Variants in ARHGEF18 observed in about 807,000 individuals in gnomAD.
ARHGEF18 encodes rho guanine nucleotide exchange factor 18.
In ARHGEF18, 93 loss-of-function variants were observed where a neutral mutation model predicts 155.7. The ratio of observed to expected loss-of-function variants is 0.60; its 90% CI spans 0.50 to 0.71. The LOEUF (loss-of-function observed/expected upper bound fraction) is 0.71. ARHGEF18 is among the 30% of genes least tolerant of loss of function. The pLI, the probability that ARHGEF18 is intolerant of heterozygous loss-of-function variation, is 0.00. For synonymous variants in ARHGEF18, 742 were observed against 753.1 expected (o/e 0.99, Z 0.24); for missense variants, 1,593 against 1,816.1 (o/e 0.88, Z 2.23).
intron 10 of ARHGEF18, among the ~76,000 whole-genome samples, chr19:7,438,408 CTT>C (rs10546789): frequency 0.4 from 57,215 of 142,342 alleles, 11,701 homozygotes; most frequent in East Asian, 0.59. Context: ...GCCCAGATTT[CTT>C]TTTTTTTTTT....
chr19:7,451,183 G>T lies in ARHGEF18; in HGVS notation c.1772G>T (p.Gly591Val). 1 of 1,562,128 alleles carries T rather than the reference G, an allele frequency of 6.4e-7. No individual in the cohort carries two copies. Among genetic ancestry groups the T allele is most frequent in the Non-Finnish European group, 8.6e-7 (1 of 1,158,248 alleles). ...IGNFSIVRRL[G>V]VQECILLVTQ... Reference sequence around the variant, plus strand: ...AACTTCTCCATCGTGCGGCGGCTTGGCGTGCAGGAGTGCATTCTCCTGGTT... The same window carrying T: ...AACTTCTCCATCGTGCGGCGGCTTGTCGTGCAGGAGTGCATTCTCCTGGTT... The change falls in exon 16 of 29, where the codon GGC becomes GTC. Residue 591 changes from glycine (G) to valine (V), a missense_variant. Coordinates refer to ENST00000668164, the MANE Select transcript of ARHGEF18 (RefSeq NM_001367823.1).
chr19:7,477,334 C>T (rs866730802), downstream of ARHGEF18: 3 of 1,559,976 alleles, frequency 1.9e-6, no homozygotes, highest in African/African-American at 4.1e-5. Context: ...CCCGGGGCAG[C>T]CAGTGCACGG....
chr19:7,439,060 A>T lies in ARHGEF18; in HGVS notation c.968-1284A>T, dbSNP rs565024106. Among the ~76,000 whole-genome samples the T allele has an allele frequency of 1.9e-4, 29 of 151,092 alleles. No homozygotes were observed. The East Asian group carries it at 5.1e-3, about 27-fold the overall frequency. Reference sequence around the variant, plus strand: ...CTAATTTTTGTATTTTGTATTTTTTATTTTTTTTAAGTAGAGACGGGGGTT... The same window carrying T: ...CTAATTTTTGTATTTTGTATTTTTTTTTTTTTTTAAGTAGAGACGGGGGTT... On this transcript the variant is annotated intron_variant, in intron 10 of 28. Coordinates refer to ENST00000668164, the MANE Select transcript of ARHGEF18 (RefSeq NM_001367823.1).
At chr19:7,433,681 A>G (rs765495903) in intron 10 of ARHGEF18, among the ~76,000 whole-genome samples, 12 of 151,968 alleles carry the variant, frequency 7.9e-5, no homozygotes, top group Non-Finnish European at 8.8e-5. Context: ...TACAGGATTT[A>G]TGAGAGACTG....
At chr19:7,367,606 T>C (rs112324379) in intron 2 of ARHGEF18, among the ~76,000 whole-genome samples, 15,079 of 147,888 alleles carry the variant, frequency 0.1, 2,039 homozygotes, top group African/African-American at 0.33. Flanking sequence ...ATTAGCCAGG[T>C]GTGGTGGTGG....
chr19:7,413,105 T>C (rs1276118749), intron 10 of ARHGEF18, among the ~76,000 whole-genome samples: 1 of 151,878 alleles, frequency 6.6e-6, no homozygotes, highest in African/African-American at 2.4e-5. Context: ...CACCATATTT[T>C]TGGGGGCAGG....
intron 10 of ARHGEF18, among the ~76,000 whole-genome samples, chr19:7,439,279 G>GGC (rs1453753343): frequency 2.3e-5 from 2 of 86,354 alleles, no homozygotes; most frequent in South Asian, 4.0e-4. Flanking sequence ...AACATAGTGA[G>GGC]ACCCCCCCCC....
chr19:7,442,777 ACGTCTAAGACCAAGG>A (rs1184877309), intron 13 of ARHGEF18, among the ~76,000 whole-genome samples: 1 of 152,182 alleles, frequency 6.6e-6, no homozygotes, highest in Non-Finnish European at 1.5e-5. Context: ...AGAGGCTGGG[ACGTCTAAGACCAAGG>A]CGGCGGCAGA....
intron 2 of ARHGEF18, among the ~76,000 whole-genome samples, chr19:7,369,658 A>T (rs112391010): frequency 6.7e-6 from 1 of 148,732 alleles, no homozygotes; most frequent in Admixed American, 6.7e-5. Context: ...TTAGCCGGGC[A>T]TTGTGGCAGG....
intron 22 of ARHGEF18, among the ~76,000 whole-genome samples, chr19:7,464,284 C>T (rs1568363916): frequency 1.3e-5 from 2 of 152,182 alleles, no homozygotes; most frequent in African/African-American, 2.4e-5. Flanking sequence ...GTGATCCGCC[C>T]GCCTCAGCCT....
chr19:7,384,913 T>C (rs1009766021), intron 10 of ARHGEF18, among the ~76,000 whole-genome samples: 1 of 152,144 alleles, frequency 6.6e-6, no homozygotes, highest in Non-Finnish European at 1.5e-5. Flanking sequence ...CAGGCTGCTT[T>C]CAAACTCCTG....
At chr19:7,430,327 G>C (rs539001463) in intron 10 of ARHGEF18, among the ~76,000 whole-genome samples, 7 of 151,702 alleles carry the variant, frequency 4.6e-5, no homozygotes, top group Non-Finnish European at 8.8e-5. Flanking sequence ...TCAGCCTCCC[G>C]AGTGCTCAGG....
At chr19:7,467,828 C>A in intron 26 of ARHGEF18, 144 bp downstream of exon 26, 1 of 808,194 alleles carries the variant, frequency 1.2e-6, no homozygotes, top group Non-Finnish European at 1.8e-6. Flanking sequence ...CTTGCATTAA[C>A]AGCTCATGCC....
At position 7,470,308 on chromosome 19, in the gene ARHGEF18, G is replaced by A. The variant is rs1568371297; in HGVS notation, c.*10G>A. Reference sequence around the variant, plus strand: ...CGTCATCTTCTTCTAAAAGGGCCGTGACTCAAGGTGCAAGGCCCCTCCCTG... The same window carrying A: ...CGTCATCTTCTTCTAAAAGGGCCGTAACTCAAGGTGCAAGGCCCCTCCCTG... On this transcript the variant is annotated 3_prime_UTR_variant, in exon 29 of 29. Coordinates refer to ENST00000668164, the MANE Select transcript of ARHGEF18 (RefSeq NM_001367823.1). The surrounding 1 kb of genome is among the most constrained non-coding windows in gnomAD (Gnocchi z 5.9). 1 of 1,511,152 alleles carries A rather than the reference G, an allele frequency of 6.6e-7. No homozygotes were observed. The allele number at this position is 1,511,152 out of a possible 1,614,324, so 93.6% of individuals were successfully genotyped here.
chr19:7,466,612 G>GGC (rs1219513598), intron 23 of ARHGEF18, among the ~76,000 whole-genome samples: 3 of 151,004 alleles, frequency 2.0e-5, no homozygotes, highest in African/African-American at 7.3e-5. Context: ...CAACCAGCCT[G>GGC]GCCAACATGG....
chr19:7,384,432 CG>C (rs1970891160), intron 10 of ARHGEF18, among the ~76,000 whole-genome samples: 1 of 152,230 alleles, frequency 6.6e-6, no homozygotes, highest in African/African-American at 2.4e-5. Context: ...TCTCCACCCC[CG>C]GGGCAAGTGC....
intron 1 of ARHGEF18, among the ~76,000 whole-genome samples, chr19:7,354,596 AC>A (rs1969238145): frequency 6.6e-6 from 1 of 151,176 alleles, no homozygotes; most frequent in African/African-American, 2.4e-5. Flanking sequence ...CACACACCAT[AC>A]CCCACACTTG....
chr19:7,374,763 G>A (rs1028126689), intron 3 of ARHGEF18, among the ~76,000 whole-genome samples: 7 of 152,044 alleles, frequency 4.6e-5, no homozygotes, highest in Non-Finnish European at 8.8e-5. Flanking sequence ...CTGAGAGTAC[G>A]GCCACGATCA....
chr19:7,445,486 C>T (rs1974931144), intron 14 of ARHGEF18, among the ~76,000 whole-genome samples: 1 of 152,006 alleles, frequency 6.6e-6, no homozygotes, highest in Non-Finnish European at 1.5e-5. Context: ...CAGCACCAAC[C>T]GTGGTAGTGG....
Sources: gnomAD v4.1 joint callset for allele counts (sites outside exome capture counted in the v4.1 genomes callset) on GRCh38, gnomAD v4.1.1 for gene constraint, Gnocchi (gnomAD v3.1) non-coding constraint, MANE v1.5 for transcripts, NCBI Gene and HGNC (gene_info 2026-07-23, HGNC 2026-07-21) for gene names.